ULK4: variants seen among roughly 807,000 people sequenced by gnomAD.
ULK4 encodes unc-51 like kinase 4.
Under a neutral mutation model 160.6 loss-of-function variants are expected in ULK4, and 133 were observed. That is an observed-to-expected ratio of 0.83 (90% confidence interval 0.72 to 0.96). ULK4 has a LOEUF of 0.96. Among genes scored for constraint, ULK4 ranks in the 40% least tolerant of loss-of-function variants. ULK4 has a pLI of 0.00. For synonymous variants in ULK4, 534 were observed against 539.8 expected (o/e 0.99, Z 0.15); for missense variants, 1,580 against 1,499.5 (o/e 1.05, Z -0.89).
At chr3:41,292,995 G>A (rs1242251432) in intron 35 of ULK4, among the ~76,000 whole-genome samples, 1 of 152,042 alleles carries the variant, frequency 6.6e-6, no homozygotes, top group Admixed American at 6.6e-5. Flanking sequence ...GGTGGTGCAT[G>A]TCTGTAGTCC....
intron 30 of ULK4, among the ~76,000 whole-genome samples, chr3:41,624,805 T>C (rs946432865): frequency 1.3e-5 from 2 of 152,202 alleles, no homozygotes. Flanking sequence ...ATTGTGTACA[T>C]ATGCTGCGTT....
intron 20 of ULK4, among the ~76,000 whole-genome samples, chr3:41,795,163 G>C (rs1359359560): frequency 6.6e-6 from 1 of 152,218 alleles, no homozygotes; most frequent in East Asian, 1.9e-4. Flanking sequence ...GTCATTCCTT[G>C]CCAGGAATGT....
At chr3:41,724,465 C>G (rs1043856849) in intron 22 of ULK4, among the ~76,000 whole-genome samples, 1 of 152,142 alleles carries the variant, frequency 6.6e-6, no homozygotes, top group Admixed American at 6.5e-5. Context: ...TGGCTCACAT[C>G]TGTAATCCCA....
In ULK4 at chr3:41,657,818, T is replaced by TAAAAAAAAAAAAAAAAAAAAA. The variant is rs60281588; in HGVS notation, c.3071+5788_3071+5789insTTTTTTTTTTTTTTTTTTTTT. 2.4e-3 allele frequency among the ~76,000 whole-genome samples: 236 copies of TAAAAAAAAAAAAAAAAAAAAA among 99,658 alleles called. 26 individuals carry two copies. The highest frequency in any genetic ancestry group is 9.5e-3 in the African/African-American group (142 of 14,956). 65.4% of individuals were successfully genotyped at this position (99,658 alleles called of 152,430 possible). ...GTGACAAAGCGAGACTCCATCTCAT[T>TAAAAAAAAAAAAAAAAAAAAA]AAAAAAAAAAAAAAAAACACACACC... is the stretch of plus-strand genomic sequence containing the variant. On this transcript the variant is annotated intron_variant, in intron 30 of 36. Transcript: ENST00000301831.
chr3:41,686,218 C>G (rs2036096191), intron 27 of ULK4, among the ~76,000 whole-genome samples: 1 of 152,078 alleles, frequency 6.6e-6, no homozygotes, highest in South Asian at 2.1e-4. Context: ...GGGATTTTGT[C>G]ACTGCCACTA....
chr3:41,531,662 G>T (rs1207597837), intron 32 of ULK4, among the ~76,000 whole-genome samples: 1 of 152,090 alleles, frequency 6.6e-6, no homozygotes, highest in Non-Finnish European at 1.5e-5. Flanking sequence ...ATATAATACT[G>T]TAAGGTGTTT....
At chr3:41,528,059 T>C (rs905189804) in intron 32 of ULK4, among the ~76,000 whole-genome samples, 6 of 152,250 alleles carry the variant, frequency 3.9e-5, no homozygotes, top group Non-Finnish European at 8.8e-5. Flanking sequence ...AAACAGATTA[T>C]TTGAGTATGT....
In ULK4 at chr3:41,455,597, T is replaced by C. The variant is rs2125871750; in HGVS notation, c.3394-2A>G. Reference sequence around the variant, plus strand: ...CTCTCCTGAGCCAGACTTCTGGGCCTGGAACAGAGAGAAGAGAAATGAAAG... The same window carrying C: ...CTCTCCTGAGCCAGACTTCTGGGCCCGGAACAGAGAGAAGAGAAATGAAAG... On this transcript the variant is annotated splice_acceptor_variant, in intron 33 of 36. Coordinates refer to ENST00000301831, the MANE Select transcript of ULK4 (RefSeq NM_017886.4). LOFTEE classifies it high-confidence loss of function. 2 of 1,613,556 alleles carry C rather than the reference T, an allele frequency of 1.2e-6. No homozygotes were observed. Among genetic ancestry groups the C allele is most frequent in the South Asian group, 1.1e-5 (1 of 91,064 alleles).
chr3:41,735,687 T>TTTATTTTTATTATTATTA (rs1553641853), intron 22 of ULK4, among the ~76,000 whole-genome samples: 27 of 144,522 alleles, frequency 1.9e-4, no homozygotes, highest in Non-Finnish European at 3.6e-4. Flanking sequence ...CTAAGTCCAT[T>TTTATTTTTATTATTATTA]TTATTATTAT....
chr3:41,653,996 A>T (rs1023703611), intron 30 of ULK4, among the ~76,000 whole-genome samples: 1 of 152,244 alleles, frequency 6.6e-6, no homozygotes, highest in Non-Finnish European at 1.5e-5. Flanking sequence ...ACACCAAAAA[A>T]GCCATTCACT....
At chr3:41,643,860 T>A (rs564469247) in intron 30 of ULK4, among the ~76,000 whole-genome samples, 10 of 152,300 alleles carry the variant, frequency 6.6e-5, no homozygotes, top group African/African-American at 9.6e-5. Context: ...TATCCTCTTT[T>A]ATTTCATTGA....
At chr3:41,407,429 C>T (rs565239619) in intron 34 of ULK4, among the ~76,000 whole-genome samples, 1 of 152,134 alleles carries the variant, frequency 6.6e-6, no homozygotes, top group Non-Finnish European at 1.5e-5. Flanking sequence ...ACAACAAAAA[C>T]CCACTATAGG....
chr3:41,733,143 T>C (rs2125867803), intron 22 of ULK4, among the ~76,000 whole-genome samples: 1 of 152,256 alleles, frequency 6.6e-6, no homozygotes. Flanking sequence ...AATAAACGTT[T>C]GCAGTGATAT....
chr3:41,321,976 C>CCT (rs990966539), intron 35 of ULK4, among the ~76,000 whole-genome samples: 6 of 144,294 alleles, frequency 4.2e-5, no homozygotes, highest in Admixed American at 2.8e-4. Context: ...TCCTCTTGGC[C>CCT]CTCTTCCAGT....
chr3:41,718,724 C>T (rs909391605), intron 22 of ULK4, among the ~76,000 whole-genome samples: 1 of 152,192 alleles, frequency 6.6e-6, no homozygotes, highest in Non-Finnish European at 1.5e-5. Context: ...TTTTACTTCT[C>T]AGGAAGAACT....
intron 35 of ULK4, among the ~76,000 whole-genome samples, chr3:41,258,080 T>A (rs775357593): frequency 6.6e-6 from 1 of 152,150 alleles, no homozygotes; most frequent in Admixed American, 6.5e-5. Context: ...CAGAGTTGAG[T>A]GTCCTCTTAG....
At chr3:41,923,608 T>C (rs181385111) in intron 5 of ULK4, among the ~76,000 whole-genome samples, 163 of 152,322 alleles carry the variant, frequency 1.1e-3, no homozygotes, top group Admixed American at 2.1e-3. Flanking sequence ...GGTGCAGTCA[T>C]GAGAAGCATG....
chr3:41,828,674 T>C (rs1319919454), intron 18 of ULK4, among the ~76,000 whole-genome samples: 3 of 151,428 alleles, frequency 2.0e-5, no homozygotes, highest in African/African-American at 7.3e-5. Flanking sequence ...GAACATTCCA[T>C]GCTCATGGGT....
intron 35 of ULK4, among the ~76,000 whole-genome samples, chr3:41,370,338 T>G (rs897389650): frequency 2.6e-5 from 4 of 152,068 alleles, no homozygotes; most frequent in African/African-American, 4.8e-5. Context: ...GATAAATAAG[T>G]GTTTAGTGGG....
Sources: gnomAD v4.1 joint callset for allele counts (sites outside exome capture counted in the v4.1 genomes callset) on GRCh38, gnomAD v4.1.1 for gene constraint, MANE v1.5 for transcripts, NCBI Gene and HGNC (gene_info 2026-07-23, HGNC 2026-07-21) for gene names.